The following CSMD1 variants were observed in gnomAD, a reference collection of about 807,000 sequenced individuals.
The protein encoded by CSMD1 is CUB and Sushi multiple domains 1, also known as CUB and sushi domain-containing protein 1.
Under a neutral mutation model 417.5 loss-of-function variants are expected in CSMD1, and 213 were observed. The observed-to-expected ratio is 0.51, with a 90% confidence interval of 0.46 to 0.57. CSMD1 has a LOEUF of 0.57. Among genes scored for constraint, CSMD1 ranks in the 20% least tolerant of loss-of-function variants. The probability of loss-of-function intolerance (pLI) is 0.00; values close to 1 mark genes in which losing one functional copy is unlikely to be tolerated. For synonymous variants in CSMD1, 2,862 were observed against 1,736.8 expected (o/e 1.65, Z -16.11); for missense variants, 6,923 against 4,529.7 (o/e 1.53, Z -15.17).
At position 3,585,666 on chromosome 8, in the gene CSMD1, T is replaced by C. The variant is rs7843352; in HGVS notation, c.1222+470A>G. ...TTACTCTGCTAACTATGTTAGAGAT[T>C]AAAGATCATTTATTAATAAAATGAT... On this transcript the variant is annotated intron_variant, in intron 9 of 69. Transcript: ENST00000635120. Among the ~76,000 whole-genome samples, 1,264 of 152,292 alleles carry C rather than the reference T, an allele frequency of 8.3e-3. 24 individuals are homozygous for C. Among genetic ancestry groups the C allele is most frequent in the African/African-American group, 0.029 (1,209 of 41,556 alleles).
chr8:3,094,481 C>G (rs1295741083), intron 47 of CSMD1, among the ~76,000 whole-genome samples: 3 of 152,124 alleles, frequency 2.0e-5, no homozygotes, highest in African/African-American at 7.2e-5. Context: ...ATGTAACTAA[C>G]TTTCTAGAAG....
At position 3,842,512 on chromosome 8, in the gene CSMD1, G is replaced by T. The variant is rs186997374; in HGVS notation, c.819-88470C>A. ...TTTTGGCTAAATTTCTAGGGAAGAA[G>T]TGGGTTCCAATTGTAGATCTAGGTC... On this transcript the variant is annotated intron_variant, in intron 5 of 69. Transcript: ENST00000635120. Among the ~76,000 whole-genome samples, 265 of 152,276 alleles carry T rather than the reference G, an allele frequency of 1.7e-3. 1 individual carries two copies. The highest frequency in any genetic ancestry group is 5.6e-3 in the African/African-American group (234 of 41,568).
At chr8:3,178,322 A>T (rs1055525520) in intron 37 of CSMD1, among the ~76,000 whole-genome samples, 2 of 151,958 alleles carry the variant, frequency 1.3e-5, no homozygotes, top group African/African-American at 4.8e-5. Context: ...ATAGAAGTAG[A>T]TGTAGATAAG....
chr8:3,991,354 C>T (rs542452973), intron 5 of CSMD1, among the ~76,000 whole-genome samples: 7 of 152,162 alleles, frequency 4.6e-5, no homozygotes, highest in South Asian at 2.1e-4. Context: ...CAGTTTTCTC[C>T]ACCTACCTAA....
chr8:4,480,624 G>A (rs964908430), intron 2 of CSMD1, among the ~76,000 whole-genome samples: 1 of 152,156 alleles, frequency 6.6e-6, no homozygotes, highest in Non-Finnish European at 1.5e-5. Flanking sequence ...AAACAAACAC[G>A]TCTGTGGGCC....
intron 3 of CSMD1, among the ~76,000 whole-genome samples, chr8:4,348,854 C>G (rs1800927318): frequency 6.6e-6 from 1 of 152,152 alleles, no homozygotes; most frequent in Non-Finnish European, 1.5e-5. Flanking sequence ...TACGAACATG[C>G]TCTTAGTTCA....
At chr8:4,462,625 G>A (rs991005649) in intron 2 of CSMD1, among the ~76,000 whole-genome samples, 1 of 152,156 alleles carries the variant, frequency 6.6e-6, no homozygotes, top group Non-Finnish European at 1.5e-5. Context: ...ATTCCATTAT[G>A]CTTGCATTAG....
intron 3 of CSMD1, among the ~76,000 whole-genome samples, chr8:4,072,233 G>C (rs910631063): frequency 2.0e-5 from 3 of 152,186 alleles, no homozygotes; most frequent in African/African-American, 7.2e-5. Context: ...AGTTGCAAGT[G>C]AAGAAGGGTT....
At chr8:4,668,128 C>G (rs1213999064) in intron 1 of CSMD1, among the ~76,000 whole-genome samples, 2 of 152,122 alleles carry the variant, frequency 1.3e-5, no homozygotes, top group Non-Finnish European at 2.9e-5. Flanking sequence ...TGCCTCGTAT[C>G]AAACTCAATG....
chr8:4,767,918 A>G (rs1168435354), intron 1 of CSMD1, among the ~76,000 whole-genome samples: 1 of 152,168 alleles, frequency 6.6e-6, no homozygotes, highest in Non-Finnish European at 1.5e-5. Context: ...GAATTAATAA[A>G]ACAAATGGAA....
intron 1 of CSMD1, among the ~76,000 whole-genome samples, chr8:4,797,687 T>G (rs1356664486): frequency 3.3e-5 from 5 of 152,212 alleles, no homozygotes; most frequent in African/African-American, 1.2e-4. Flanking sequence ...AATGCTTTCC[T>G]TAAGATTCAC....
chr8:4,052,921 A>C (rs1161288967), intron 3 of CSMD1, among the ~76,000 whole-genome samples: 1 of 152,160 alleles, frequency 6.6e-6, no homozygotes, highest in Non-Finnish European at 1.5e-5. Context: ...AACTAGGCGC[A>C]GAGAGAAGTG....
chr8:3,001,126 C>G (rs1427235037), intron 52 of CSMD1, among the ~76,000 whole-genome samples: 5 of 151,998 alleles, frequency 3.3e-5, no homozygotes, highest in African/African-American at 9.7e-5. Context: ...ACTACGCCAC[C>G]ATGGTACATG....
chr8:4,237,091 C>T (rs1802111556), intron 3 of CSMD1, among the ~76,000 whole-genome samples: 1 of 152,184 alleles, frequency 6.6e-6, no homozygotes, highest in Non-Finnish European at 1.5e-5. Flanking sequence ...TTTTATTCTT[C>T]ACTCACTATC....
chr8:4,452,008 ATTATC>A (rs1240912127), intron 2 of CSMD1, among the ~76,000 whole-genome samples: 1 of 150,774 alleles, frequency 6.6e-6, no homozygotes, highest in Non-Finnish European at 1.5e-5. Context: ...ATAATGAAAT[ATTATC>A]TTTAGGCAGC....
intron 3 of CSMD1, among the ~76,000 whole-genome samples, chr8:4,263,145 G>A (rs923887606): frequency 6.6e-6 from 1 of 152,112 alleles, no homozygotes; most frequent in African/African-American, 2.4e-5. Context: ...TTTCAAAAAT[G>A]TATTACGTAA....
intron 2 of CSMD1, among the ~76,000 whole-genome samples, chr8:4,462,593 C>G (rs1417448603): frequency 6.6e-6 from 1 of 152,086 alleles, no homozygotes; most frequent in Non-Finnish European, 1.5e-5. Context: ...TCAGCACTTT[C>G]TAGGAAACCG....
At chr8:4,603,929 G>A (rs1467846734) in intron 2 of CSMD1, among the ~76,000 whole-genome samples, 1 of 151,950 alleles carries the variant, frequency 6.6e-6, no homozygotes, top group Non-Finnish European at 1.5e-5. Context: ...GATTGTATTT[G>A]TAAATGATCA....
chr8:4,840,077 G>C (rs1311993758), intron 1 of CSMD1, among the ~76,000 whole-genome samples: 1 of 97,684 alleles, frequency 1.0e-5, no homozygotes, highest in African/African-American at 3.4e-5. Flanking sequence ...GCATCCATAG[G>C]CTTGGGAAGA....
Sources: gnomAD v4.1 joint callset for allele counts (sites outside exome capture counted in the v4.1 genomes callset) on GRCh38, gnomAD v4.1.1 for gene constraint, MANE v1.5 for transcripts, NCBI Gene and HGNC (gene_info 2026-07-23, HGNC 2026-07-21) for gene names.